The following GFRA2 variants were observed in gnomAD, a reference collection of about 807,000 sequenced individuals.
GFRA2 encodes GDNF family receptor alpha 2.
In GFRA2, 17 loss-of-function variants were observed where a neutral mutation model predicts 48.3. That is an observed-to-expected ratio of 0.35 (90% confidence interval 0.24 to 0.53). The LOEUF (loss-of-function observed/expected upper bound fraction) is 0.53, where lower values mean the gene tolerates loss of function less well. Among genes scored for constraint, GFRA2 ranks in the 20% least tolerant of loss-of-function variants. The pLI is 0.93. For synonymous variants in GFRA2, 305 were observed against 257.2 expected, an observed-to-expected ratio of 1.19 and a Z score of -1.78; for missense variants, 660 against 637.3, an observed-to-expected ratio of 1.04 and a Z score of -0.38.
At chr8:21,759,098 T>C (rs915751751) in intron 3 of GFRA2, among the ~76,000 whole-genome samples, 3 of 151,964 alleles carry the variant, frequency 2.0e-5, no homozygotes, top group Admixed American at 6.6e-5. Flanking sequence ...AACACAAAAA[T>C]ACATAAAAAA....
chr8:21,754,651 C>A (rs1039684018), intron 3 of GFRA2, among the ~76,000 whole-genome samples: 1 of 151,726 alleles, frequency 6.6e-6, no homozygotes, highest in Non-Finnish European at 1.5e-5. Context: ...TTGGATTACA[C>A]GGACCTGCCA....
intron 7 of GFRA2, among the ~76,000 whole-genome samples, chr8:21,697,831 G>A (rs1252239735): frequency 6.6e-6 from 1 of 151,990 alleles, no homozygotes; most frequent in Non-Finnish European, 1.5e-5. Context: ...TTTATAGATG[G>A]GAATTCCCCT....
chr8:21,769,551 C>T (rs1806346713), intron 3 of GFRA2, among the ~76,000 whole-genome samples: 1 of 152,170 alleles, frequency 6.6e-6, no homozygotes, highest in Non-Finnish European at 1.5e-5. Flanking sequence ...ACCCTGAGCT[C>T]CCACAGTAGG....
At chr8:21,805,084 A>C (rs866181166) in exon 2 of GFRA2, 4 of 152,232 alleles carry the variant, frequency 2.6e-5, no homozygotes, top group South Asian at 2.1e-4. Context: ...ATGAAATTAC[A>C]GATTAGCTTT....
rs1163112929 is a variant in GFRA2 at position 21,787,300 on chromosome 8, T to C, written c.40+820A>G. ...TGGGGGGGGTTTGCAGAAGGAGCAG[T>C]GGTCTTTGTTCAGACCCGTTTTTCC... On this transcript the variant is annotated intron_variant, in intron 1 of 8. Transcript: ENST00000524240. Among the ~76,000 whole-genome samples, 3 of 147,698 alleles carry C rather than the reference T, an allele frequency of 2.0e-5. No individual in the cohort carries two copies. The East Asian group carries it at 6.2e-4, about 30-fold the overall frequency.
chr8:21,709,002 G>A (rs1802885257), intron 4 of GFRA2, among the ~76,000 whole-genome samples: 1 of 152,066 alleles, frequency 6.6e-6, no homozygotes, highest in Non-Finnish European at 1.5e-5. Flanking sequence ...AAGAAGCTAA[G>A]GGGATATGAT....
intron 4 of GFRA2, among the ~76,000 whole-genome samples, chr8:21,715,688 A>G (rs1235434585): frequency 6.6e-6 from 1 of 152,230 alleles, no homozygotes; most frequent in Non-Finnish European, 1.5e-5. Context: ...AGATAAGGAA[A>G]TAATGTCAGC....
intron 8 of GFRA2, 74 bp downstream of exon 8, chr8:21,694,390 G>A: frequency 7.0e-7 from 1 of 1,420,114 alleles, no homozygotes; most frequent in Non-Finnish European, 9.7e-7. Context: ...CGCTGGATCT[G>A]AGGCTCGCCG....
intron 1 of GFRA2, among the ~76,000 whole-genome samples, chr8:21,783,657 C>G (rs1807124638): frequency 6.6e-6 from 1 of 151,970 alleles, no homozygotes. Context: ...CCTTCTAGTC[C>G]AACTTCACAC....
Position 21,714,246 on chromosome 8 carries a change from C to CTTTTTTTTTT in GFRA2, c.795-8215_795-8206dup, listed in dbSNP as rs10674628. ...GATCAATACATACTGGTCTGAAGTT[C>CTTTTTTTTTT]TTTTTTTTTTTTTTTTTTTTTTTGA... On this transcript the variant is annotated intron_variant, in intron 4 of 8. Transcript: ENST00000524240. Among the ~76,000 whole-genome samples, 766 of 78,384 alleles carry CTTTTTTTTTT rather than the reference C, an allele frequency of 9.8e-3. 104 individuals carry two copies. Among genetic ancestry groups the CTTTTTTTTTT allele is most frequent in the East Asian group, 0.013 (28 of 2,122 alleles). The allele number at this position is 78,384 out of a possible 152,430, so 51.4% of individuals were successfully genotyped here. A position where few individuals can be genotyped will look rare whatever the true frequency, so the allele number is the denominator to read the frequency against.
intron 2 of GFRA2, chr8:21,797,868 C>A (rs1036956252): frequency 4.6e-5 from 7 of 152,152 alleles, no homozygotes; most frequent in African/African-American, 1.2e-4. Context: ...ACTGCAGTGG[C>A]CTTTGGGCAG....
chr8:21,706,556 AAG>A (rs1802758682), intron 4 of GFRA2, among the ~76,000 whole-genome samples: 1 of 152,002 alleles, frequency 6.6e-6, no homozygotes, highest in East Asian at 1.9e-4. Context: ...AGGGAGGCAA[AAG>A]AGTCTCCCTG....
At chr8:21,710,165 G>A (rs527524237) in intron 4 of GFRA2, among the ~76,000 whole-genome samples, 1 of 152,316 alleles carries the variant, frequency 6.6e-6, no homozygotes, top group South Asian at 2.1e-4. Context: ...GGGCTGGCCT[G>A]TCATGTCTCT....
intron 4 of GFRA2, among the ~76,000 whole-genome samples, chr8:21,747,652 G>A (rs982908631): frequency 3.3e-5 from 5 of 151,656 alleles, no homozygotes; most frequent in Non-Finnish European, 7.4e-5. Flanking sequence ...ATCTCTCTGC[G>A]GTCCCTGGCC....
chr8:21,737,726 G>A (rs907178771), intron 4 of GFRA2, among the ~76,000 whole-genome samples: 4 of 151,942 alleles, frequency 2.6e-5, no homozygotes, highest in East Asian at 1.9e-4. Context: ...GGTCCCCGCC[G>A]CAGGACCCTG....
chr8:21,724,951 C>T lies in GFRA2; in HGVS notation c.795-18910G>A, dbSNP rs1175714703. On this transcript the variant is annotated intron_variant, in intron 4 of 8. Transcript: ENST00000524240. ...GGACCCGTCCTCTAGTTCCTGGACA[C>T]TGGCACAGTCCCTGGACACCAGCAC... Among the ~76,000 whole-genome samples the T allele has an allele frequency of 5.9e-5, 9 of 152,318 alleles. No individual in the cohort carries two copies. In the South Asian group the frequency reaches 1.9e-3, roughly 32 times the overall value.
chr8:21,775,907 T>A (rs1410968982), intron 2 of GFRA2, among the ~76,000 whole-genome samples: 1 of 152,020 alleles, frequency 6.6e-6, no homozygotes, highest in Non-Finnish European at 1.5e-5. Context: ...CCCACCCTCC[T>A]CTGCTGAGGC....
intron 3 of GFRA2, among the ~76,000 whole-genome samples, 179 bp from the exon 4 acceptor site, chr8:21,751,121 G>A (rs538068630): frequency 9.2e-5 from 14 of 152,288 alleles, no homozygotes; most frequent in African/African-American, 3.4e-4. Flanking sequence ...TAAAGCTGTG[G>A]TGAGGAGTAA....
intron 1 of GFRA2, among the ~76,000 whole-genome samples, chr8:21,812,076 C>G (rs190596042): frequency 6.6e-6 from 1 of 152,204 alleles, no homozygotes; most frequent in East Asian, 1.9e-4. Context: ...GTCATTTTGT[C>G]ATTTCCAGTC....
Sources: gnomAD v4.1 joint callset for allele counts (sites outside exome capture counted in the v4.1 genomes callset) on GRCh38, gnomAD v4.1.1 for gene constraint, MANE v1.5 for transcripts, NCBI Gene and HGNC (gene_info 2026-07-23, HGNC 2026-07-21) for gene names.